KLHL3: variants seen among roughly 807,000 people sequenced by gnomAD.
The protein encoded by KLHL3 is kelch like family member 3.
KLHL3 carries 19 observed loss-of-function variants against 70.5 expected under a neutral mutation model. That is an observed-to-expected ratio of 0.27 (90% CI 0.19 to 0.40). KLHL3 has a LOEUF of 0.40. KLHL3 is among the 10% of genes least tolerant of loss of function. The pLI is 1.00. For synonymous variants in KLHL3, 258 were observed against 290.3 expected, an observed-to-expected ratio of 0.89 and a Z score of 1.13; for missense variants, 512 against 771.1, an observed-to-expected ratio of 0.66 and a Z score of 3.98.
At chr5:137,711,890 T>C (rs999953192) in intron 2 of KLHL3, among the ~76,000 whole-genome samples, 1 of 151,986 alleles carries the variant, frequency 6.6e-6, no homozygotes, top group Non-Finnish European at 1.5e-5. Context: ...TTATCACTGC[T>C]ATTTAAGAAT....
Position 137,637,358 on chromosome 5 carries a change from G to A in KLHL3, c.1257C>T (p.Asn419=), listed in dbSNP as rs774465580. ...ASVEAYSYKT[N]EWFFVAPMNT... The stretch of plus-strand genomic sequence containing the variant: ...TCATCGGGGCCACAAAGAACCACTC[G>A]TTGGTCTTGTAGCTGTAGGCTTCCA... The change falls in exon 11 of 15, where the codon AAC becomes AAT. Residue 419 remains asparagine (N), a synonymous_variant. Transcript: ENST00000309755. 9.3e-6 allele frequency: 15 copies of A among 1,613,938 alleles called. No individual in the cohort carries two copies. The Admixed American group carries it at 1.8e-4, about 20-fold the overall frequency.
At position 137,618,986 on chromosome 5, in the gene KLHL3, C is replaced by G. The variant is rs1188877124; in HGVS notation, c.*3112G>C. ...AAAGGAAGAGAGCTACAGGCATGAACTACGTTTGAGAGTGAATGATGCAAA... is the reference window on the plus strand; with the variant it reads ...AAAGGAAGAGAGCTACAGGCATGAAGTACGTTTGAGAGTGAATGATGCAAA... On this transcript the variant is annotated 3_prime_UTR_variant, in exon 15 of 15. Coordinates refer to ENST00000309755, the MANE Select transcript of KLHL3 (RefSeq NM_017415.3). 1 of 150,258 alleles carries G rather than the reference C, an allele frequency of 6.7e-6. No individual in the cohort carries two copies. The highest frequency in any genetic ancestry group is 1.5e-5 in the Non-Finnish European group (1 of 67,702). The allele number at this position is 150,258 out of a possible 1,614,324, so 9.3% of individuals were successfully genotyped here.
intron 8 of KLHL3, among the ~76,000 whole-genome samples, chr5:137,640,504 G>T (rs1446752968): frequency 6.6e-6 from 1 of 152,180 alleles, no homozygotes; most frequent in Non-Finnish European, 1.5e-5. Context: ...GGAAACTAGT[G>T]CTAGCAGTCC....
In KLHL3 at chr5:137,628,309, G is replaced by C; in HGVS notation, c.1579C>G (p.Arg527Gly). 1 of 1,614,006 alleles carries C rather than the reference G, an allele frequency of 6.2e-7. No individual in the cohort carries two copies. The stretch of plus-strand genomic sequence containing the variant: ...GAGCAGTCATTACCTGCGTTGCGCC[G>C]GCACATGTTCATGTCTGCCACTTGC... ...WKQVADMNMCRRNAGVCAVNG... is the reference protein window; with the variant it reads ...WKQVADMNMCGRNAGVCAVNG... The change falls in exon 13 of 15, where the codon CGG becomes GGG. Residue 527 changes from arginine to glycine, a missense_variant. Coordinates refer to ENST00000309755, the MANE Select transcript of KLHL3 (RefSeq NM_017415.3).
chr5:137,735,752 A>G lies in KLHL3; in HGVS notation c.-106T>C, dbSNP rs748135901. 1.5e-5 allele frequency: 23 copies of G among 1,488,794 alleles called. No homozygotes were observed. Among genetic ancestry groups the G allele is most frequent in the Non-Finnish European group, 2.0e-5 (21 of 1,066,226 alleles). 92.2% of individuals were successfully genotyped at this position (1,488,794 alleles called of 1,614,324 possible). On this transcript the variant is annotated 5_prime_UTR_variant, in exon 1 of 15. Coordinates refer to ENST00000309755, the MANE Select transcript of KLHL3 (RefSeq NM_017415.3). ...CAGACCAGTGGGAAATCTGATCAGCAACAGTGATTCAGCATGGCTGCAAGT... is the reference window on the plus strand; with the variant it reads ...CAGACCAGTGGGAAATCTGATCAGCGACAGTGATTCAGCATGGCTGCAAGT...
chr5:137,627,488 C>CACCCG (rs58918247), intron 13 of KLHL3, among the ~76,000 whole-genome samples: 4 of 92,352 alleles, frequency 4.3e-5, no homozygotes, highest in South Asian at 4.2e-4. Context: ...CCCCCCCCCC[C>CACCCG]GGTTTACACT....
intron 8 of KLHL3, among the ~76,000 whole-genome samples, chr5:137,650,461 T>C (rs778490512): frequency 6.6e-6 from 1 of 152,136 alleles, no homozygotes; most frequent in Non-Finnish European, 1.5e-5. Flanking sequence ...GTGAATCCAG[T>C]ACTTACCCCA....
chr5:137,668,366 G>A (rs1751666355), intron 6 of KLHL3, among the ~76,000 whole-genome samples: 2 of 152,124 alleles, frequency 1.3e-5, no homozygotes, highest in South Asian at 4.1e-4. Context: ...AGCCGAGATT[G>A]CACCGCTGCA....
chr5:137,647,191 G>A (rs1360182588), intron 8 of KLHL3, among the ~76,000 whole-genome samples: 1 of 152,184 alleles, frequency 6.6e-6, no homozygotes, highest in Non-Finnish European at 1.5e-5. Flanking sequence ...CCTTAGGAAG[G>A]AAATTTTACT....
At chr5:137,700,956 C>T (rs1244365024) in intron 3 of KLHL3, among the ~76,000 whole-genome samples, 2 of 152,128 alleles carry the variant, frequency 1.3e-5, no homozygotes, top group East Asian at 3.8e-4. Flanking sequence ...ATCTGACCCA[C>T]ATTATTTCAT....
chr5:137,639,970 A>G lies in KLHL3; in HGVS notation c.911T>C (p.Ile304Thr), dbSNP rs1028006864. 5 of 1,613,908 alleles carry G rather than the reference A, an allele frequency of 3.1e-6. No individual in the cohort carries two copies. Among genetic ancestry groups the G allele is most frequent in the Non-Finnish European group, 4.2e-6 (5 of 1,179,922 alleles). Residue 304 changes from isoleucine (I) to threonine (T), a missense_variant, in exon 9 of 15, where the codon ATT becomes ACT. Transcript: ENST00000309755. This position sits in a 1 kb window ranked among gnomAD's most constrained non-coding sequence, Gnocchi z 5.0. Reference protein sequence around the residue: ...RTPVSLPKVMIVVGGQAPKAI... With the variant: ...RTPVSLPKVMTVVGGQAPKAI... ...CTTGGGTGCCTGGCCGCCAACCACAATCATGACCTCCGGAGAGACAAGTGG... is the reference window on the plus strand; with the variant it reads ...CTTGGGTGCCTGGCCGCCAACCACAGTCATGACCTCCGGAGAGACAAGTGG...
chr5:137,707,420 G>A (rs1224910840), intron 3 of KLHL3: 1 of 151,820 alleles, frequency 6.6e-6, no homozygotes, highest in African/African-American at 2.4e-5. Flanking sequence ...GCAAAAGGGC[G>A]AGACTCTGTC....
intron 1 of KLHL3, among the ~76,000 whole-genome samples, chr5:137,723,977 GT>G (rs1204162391): frequency 6.6e-6 from 1 of 152,140 alleles, no homozygotes; most frequent in African/African-American, 2.4e-5. Flanking sequence ...GTTCATATGG[GT>G]TTTTTCCTTT....
At chr5:137,644,810 T>G (rs141206640) in intron 8 of KLHL3, among the ~76,000 whole-genome samples, 2 of 152,366 alleles carry the variant, frequency 1.3e-5, no homozygotes, top group East Asian at 3.9e-4. Context: ...TCCAGATTTA[T>G]TCTTTGAAGC....
intron 4 of KLHL3, among the ~76,000 whole-genome samples, chr5:137,695,285 G>A (rs1450500191): frequency 6.6e-6 from 1 of 152,096 alleles, no homozygotes; most frequent in Non-Finnish European, 1.5e-5. Context: ...AAAATTATAA[G>A]GCTTTCTACC....
chr5:137,625,660 C>T, intron 14 of KLHL3, 93 bp downstream of exon 14: 1 of 1,472,406 alleles, frequency 6.8e-7, no homozygotes, highest in Non-Finnish European at 9.3e-7. Flanking sequence ...GTTAAGCAAG[C>T]TCACATCCCC....
At chr5:137,626,975 T>C (rs920034694) in intron 13 of KLHL3, among the ~76,000 whole-genome samples, 2 of 150,954 alleles carry the variant, frequency 1.3e-5, no homozygotes, top group African/African-American at 4.9e-5. Flanking sequence ...CAATCTAGCC[T>C]GAGAGAGCGA....
intron 8 of KLHL3, among the ~76,000 whole-genome samples, chr5:137,655,383 C>T (rs1399610561): frequency 1.3e-5 from 2 of 152,138 alleles, no homozygotes; most frequent in Non-Finnish European, 2.9e-5. Context: ...TGCCCTCACT[C>T]CTTACACACA....
intron 2 of KLHL3, among the ~76,000 whole-genome samples, chr5:137,712,928 A>C (rs540663464): frequency 6.6e-6 from 1 of 152,196 alleles, no homozygotes; most frequent in Admixed American, 6.5e-5. Context: ...TTTGAAAAAA[A>C]ATTTTAAAAA....
Sources: allele counts gnomAD v4.1 joint callset (sites outside exome capture counted in the v4.1 genomes callset), GRCh38; gene constraint gnomAD v4.1.1; non-coding constraint Gnocchi (gnomAD v3.1); transcripts MANE v1.5; gene names NCBI Gene and HGNC (gene_info 2026-07-23, HGNC 2026-07-21).